Variants in FCHSD2 observed in about 807,000 individuals in gnomAD.
FCHSD2 encodes FCH and double SH3 domains 2, also known as F-BAR and double SH3 domains protein 2.
A neutral mutation model predicts 108.1 loss-of-function variants in FCHSD2; 38 were observed. The ratio of observed to expected loss-of-function variants is 0.35; its 90% CI spans 0.27 to 0.46. FCHSD2 has a LOEUF of 0.46. FCHSD2 is among the 20% of genes least tolerant of loss of function. FCHSD2 has a pLI of 1.00. For missense variants in FCHSD2, 751 were observed against 897.8 expected, an observed-to-expected ratio of 0.84 and a Z score of 2.09; for synonymous variants, 279 against 314.7, an observed-to-expected ratio of 0.89 and a Z score of 1.20.
At chr11:73,105,064 T>C (rs1465351295) in intron 2 of FCHSD2, among the ~76,000 whole-genome samples, 2 of 152,226 alleles carry the variant, frequency 1.3e-5, no homozygotes, top group East Asian at 3.8e-4. Flanking sequence ...CATCTTATCC[T>C]ACCTGACTTG....
At chr11:73,056,213 T>C (rs1451732875) in intron 3 of FCHSD2, among the ~76,000 whole-genome samples, 4 of 152,166 alleles carry the variant, frequency 2.6e-5, no homozygotes, top group Non-Finnish European at 4.4e-5. Flanking sequence ...TCAGGACATG[T>C]CTTCTGGGTA....
Position 73,051,868 on chromosome 11 carries a change from AACACACACACACAC to A in FCHSD2, c.165+31813_165+31826del, listed in dbSNP as rs61511109. On this transcript the variant is annotated intron_variant, in intron 3 of 19. Coordinates refer to ENST00000409418, the MANE Select transcript of FCHSD2 (RefSeq NM_014824.3). The stretch of plus-strand genomic sequence containing the variant: ...CTTCAGGATGCTAACACGGTATATA[AACACACACACACAC>A]ACACACACACACACACACACACACA... 4.2e-3 allele frequency among the ~76,000 whole-genome samples: 597 copies of A among 141,798 alleles called. 2 individuals carry two copies. The highest frequency in any genetic ancestry group is 0.018 in the South Asian group (78 of 4,342). The allele number at this position is 141,798 out of a possible 152,430, so 93.0% of individuals were successfully genotyped here.
chr11:73,084,145 T>C (rs1309211221), intron 2 of FCHSD2, among the ~76,000 whole-genome samples: 1 of 152,254 alleles, frequency 6.6e-6, no homozygotes, highest in Admixed American at 6.5e-5. Context: ...GAATAGCTAC[T>C]ATATATTAGG....
chr11:73,036,730 TCTA>T (rs989269573), intron 3 of FCHSD2, among the ~76,000 whole-genome samples: 1 of 152,230 alleles, frequency 6.6e-6, no homozygotes, highest in African/African-American at 2.4e-5. Flanking sequence ...AAGCCTAACT[TCTA>T]CTATATACAA....
In FCHSD2 at chr11:73,032,638, T is replaced by C. The variant is rs759945162; in HGVS notation, c.166-16753A>G. The stretch of plus-strand genomic sequence containing the variant: ...AAACTCAAGAAGTCACCATTTGGTG[T>C]AGGTATTACAACAGGAAAGTATATG... On this transcript the variant is annotated intron_variant, in intron 3 of 19. Coordinates refer to ENST00000409418, the MANE Select transcript of FCHSD2 (RefSeq NM_014824.3). Among the ~76,000 whole-genome samples, 10 of 149,320 alleles carry C rather than the reference T, an allele frequency of 6.7e-5. 1 individual carries two copies. The highest frequency in any genetic ancestry group is 4.4e-5 in the Non-Finnish European group (3 of 67,534).
chr11:73,128,482 C>T (rs1860911886), intron 2 of FCHSD2, among the ~76,000 whole-genome samples: 1 of 151,860 alleles, frequency 6.6e-6, no homozygotes, highest in Non-Finnish European at 1.5e-5. Context: ...ATGACGCAAA[C>T]ACAGATAATG....
At chr11:73,093,656 C>T (rs774494507) in intron 2 of FCHSD2, among the ~76,000 whole-genome samples, 6 of 151,982 alleles carry the variant, frequency 3.9e-5, no homozygotes, top group Admixed American at 6.5e-5. Context: ...GGCTGGAGTG[C>T]AATGACGCGG....
chr11:72,990,638 A>G (rs1857393385), intron 5 of FCHSD2, among the ~76,000 whole-genome samples: 1 of 152,210 alleles, frequency 6.6e-6, no homozygotes, highest in Admixed American at 6.5e-5. Context: ...GGCAGAAATA[A>G]AGATGTTTTC....
chr11:72,841,340 C>CAAAAAAA (rs59748827), intron 18 of FCHSD2, 114 bp downstream of exon 18: 94 of 373,806 alleles, frequency 2.5e-4, no homozygotes, highest in East Asian at 7.6e-4. Flanking sequence ...ACTCTGTCTC[C>CAAAAAAA]AAAAAAAAAA....
chr11:72,968,866 G>C (rs1410301431), intron 8 of FCHSD2, among the ~76,000 whole-genome samples: 1 of 152,070 alleles, frequency 6.6e-6, no homozygotes, highest in East Asian at 1.9e-4. Flanking sequence ...TTTTATTATA[G>C]TAACATTAAA....
chr11:72,850,992 C>T (rs1028679591), intron 13 of FCHSD2, among the ~76,000 whole-genome samples: 7 of 147,052 alleles, frequency 4.8e-5, no homozygotes, highest in Middle Eastern at 3.6e-3. Context: ...CCAGCTACTG[C>T]GAAGGCTGAG....
At chr11:73,057,096 T>C (rs1859044258) in intron 3 of FCHSD2, among the ~76,000 whole-genome samples, 2 of 151,730 alleles carry the variant, frequency 1.3e-5, no homozygotes, top group Non-Finnish European at 2.9e-5. Context: ...AACTAAAAAA[T>C]AAAATAAAAT....
In FCHSD2 at chr11:72,889,706, CTT is replaced by C. The variant is rs1855274508; in HGVS notation, c.1041+121_1041+122del. ...TCAACCTGGGTGACAGAGCAAGCCT[CTT>C]GTCTCAAATAAAACAAAACAACACA... On this transcript the variant is annotated intron_variant, in intron 11 of 19. Coordinates refer to ENST00000409418, the MANE Select transcript of FCHSD2 (RefSeq NM_014824.3). The C allele has an allele frequency of 6.3e-6, 4 of 633,506 alleles. No homozygotes were observed. In the Admixed American group the frequency reaches 1.1e-4, roughly 17 times the overall value. 39.2% of individuals were successfully genotyped at this position (633,506 alleles called of 1,614,324 possible). A position where few individuals can be genotyped will look rare whatever the true frequency, so the allele number is the denominator to read the frequency against.
intron 3 of FCHSD2, among the ~76,000 whole-genome samples, chr11:73,036,324 CAA>C (rs529966875): frequency 7.8e-6 from 1 of 128,692 alleles, no homozygotes. Context: ...AAATAAAAGA[CAA>C]AAAAAAAAAA....
At chr11:72,980,153 G>C (rs1259183117) in intron 8 of FCHSD2, among the ~76,000 whole-genome samples, 2 of 152,098 alleles carry the variant, frequency 1.3e-5, no homozygotes, top group African/African-American at 4.8e-5. Context: ...CTGTAAATTA[G>C]GAAGAAAACC....
At chr11:73,049,996 A>G (rs1012206519) in intron 3 of FCHSD2, among the ~76,000 whole-genome samples, 4 of 152,206 alleles carry the variant, frequency 2.6e-5, no homozygotes, top group African/African-American at 9.6e-5. Flanking sequence ...AGAGAGTGAA[A>G]TACTGTCACT....
intron 14 of FCHSD2, among the ~76,000 whole-genome samples, chr11:72,844,945 A>G (rs1017015503): frequency 4.6e-5 from 7 of 152,178 alleles, no homozygotes; most frequent in Middle Eastern, 3.2e-3. Context: ...AGCTTTTCCA[A>G]TGGAATTCCT....
intron 3 of FCHSD2, among the ~76,000 whole-genome samples, chr11:73,078,110 A>G (rs1431786330): frequency 2.6e-5 from 4 of 152,136 alleles, no homozygotes; most frequent in Non-Finnish European, 5.9e-5. Flanking sequence ...GTATATGTCA[A>G]TTTTTCTAAA....
At chr11:72,951,002 T>TC (rs1344938767) in intron 8 of FCHSD2, among the ~76,000 whole-genome samples, 1 of 152,166 alleles carries the variant, frequency 6.6e-6, no homozygotes, top group Non-Finnish European at 1.5e-5. Flanking sequence ...ATGCTCTCTT[T>TC]CCCCTATCCA....
Sources: allele counts gnomAD v4.1 joint callset (sites outside exome capture counted in the v4.1 genomes callset), GRCh38; gene constraint gnomAD v4.1.1; transcripts MANE v1.5; gene names NCBI Gene and HGNC (gene_info 2026-07-23, HGNC 2026-07-21).